DLG2: variants seen among roughly 807,000 people sequenced by gnomAD.
DLG2 encodes the protein discs large MAGUK scaffold protein 2.
In DLG2, 45 loss-of-function variants were observed where a neutral mutation model predicts 132.5. That is an observed-to-expected ratio of 0.34 (90% confidence interval 0.27 to 0.44). DLG2 has a LOEUF of 0.44. Ranked by LOEUF, DLG2 falls within the 20% of genes least tolerant of loss-of-function variation. The pLI, the probability that DLG2 is intolerant of heterozygous loss-of-function variation, is 1.00. For synonymous variants in DLG2, 424 were observed against 419.6 expected (o/e 1.01, Z -0.13); for missense variants, 1,045 against 1,196.9 (o/e 0.87, Z 1.87).
At chr11:83,979,993 T>A (rs925060188) in intron 12 of DLG2, among the ~76,000 whole-genome samples, 8 of 152,202 alleles carry the variant, frequency 5.3e-5, no homozygotes, top group African/African-American at 1.9e-4. Flanking sequence ...ATTGTACATG[T>A]ACTTTTGAAA....
At chr11:84,482,920 T>C (rs532263407) in intron 7 of DLG2, among the ~76,000 whole-genome samples, 9 of 152,280 alleles carry the variant, frequency 5.9e-5, no homozygotes, top group Non-Finnish European at 8.8e-5. Context: ...GGGGAAAATA[T>C]TTGCCAAAAT....
intron 7 of DLG2, among the ~76,000 whole-genome samples, chr11:84,307,279 T>C (rs985986092): frequency 1.3e-5 from 2 of 152,080 alleles, no homozygotes; most frequent in Non-Finnish European, 1.5e-5. Flanking sequence ...TCGTCACTTA[T>C]AAATGGGAGC....
At chr11:85,428,267 C>A (rs895421953) in intron 3 of DLG2, among the ~76,000 whole-genome samples, 3 of 152,154 alleles carry the variant, frequency 2.0e-5, no homozygotes, top group Admixed American at 2.0e-4. Context: ...CAGCTCTGCA[C>A]CAAGTGGACC....
At chr11:84,491,398 T>C (rs565263115) in intron 7 of DLG2, among the ~76,000 whole-genome samples, 314 of 152,246 alleles carry the variant, frequency 2.1e-3, no homozygotes, top group African/African-American at 6.9e-3. Flanking sequence ...CTGCCATGAT[T>C]GTGGGGCCTC....
chr11:85,305,509 C>CTATT (rs1437543604), intron 3 of DLG2, among the ~76,000 whole-genome samples: 4 of 151,862 alleles, frequency 2.6e-5, no homozygotes, highest in East Asian at 3.9e-4. Flanking sequence ...TCTTTCTTTC[C>CTATT]TATTTATTTA....
chr11:85,438,580 T>C (rs899311123), intron 3 of DLG2, among the ~76,000 whole-genome samples: 1 of 152,168 alleles, frequency 6.6e-6, no homozygotes, highest in Admixed American at 6.5e-5. Flanking sequence ...AATGGAAATA[T>C]TTCATAAAAC....
intron 7 of DLG2, among the ~76,000 whole-genome samples, chr11:84,463,271 T>C (rs866558097): frequency 6.6e-6 from 1 of 151,146 alleles, no homozygotes; most frequent in Non-Finnish European, 1.5e-5. Flanking sequence ...ATGGGATGTA[T>C]CCTCTGAGAA....
At chr11:84,585,185 T>C (rs1038369546) in intron 6 of DLG2, among the ~76,000 whole-genome samples, 13 of 152,194 alleles carry the variant, frequency 8.5e-5, no homozygotes, top group Non-Finnish European at 1.6e-4. Context: ...ATTAATTTAA[T>C]TTTTCGTATT....
intron 6 of DLG2, among the ~76,000 whole-genome samples, chr11:84,701,323 T>A (rs1033810522): frequency 2.0e-5 from 3 of 151,672 alleles, no homozygotes; most frequent in African/African-American, 7.3e-5. Context: ...AGTCACTTAA[T>A]CTCTATAATG....
intron 9 of DLG2, among the ~76,000 whole-genome samples, chr11:84,135,095 T>C (rs1263722225): frequency 1.3e-5 from 2 of 152,124 alleles, no homozygotes; most frequent in Non-Finnish European, 2.9e-5. Flanking sequence ...CACTAAAATA[T>C]AAGCTTTCTG....
intron 19 of DLG2, among the ~76,000 whole-genome samples, chr11:83,587,270 CTT>C: frequency 6.9e-6 from 1 of 145,178 alleles, no homozygotes; most frequent in African/African-American, 2.5e-5. Flanking sequence ...GAATTTGCTA[CTT>C]TTTTTTTTTT....
intron 9 of DLG2, among the ~76,000 whole-genome samples, chr11:84,112,151 C>A (rs370034639): frequency 6.5e-4 from 99 of 151,972 alleles, no homozygotes; most frequent in African/African-American, 2.3e-3. Flanking sequence ...AGGCGCCTGC[C>A]GCCACACCCA....
At chr11:84,789,091 C>T (rs1363837200) in intron 6 of DLG2, among the ~76,000 whole-genome samples, 1 of 152,180 alleles carries the variant, frequency 6.6e-6, no homozygotes, top group Non-Finnish European at 1.5e-5. Context: ...CAGCACCTTG[C>T]AAATCAATTT....
At chr11:83,530,071 T>C (rs1180860978) in intron 21 of DLG2, among the ~76,000 whole-genome samples, 2 of 148,850 alleles carry the variant, frequency 1.3e-5, no homozygotes, top group African/African-American at 5.0e-5. Context: ...CTCACATATA[T>C]CCAACTCTAT....
intron 6 of DLG2, among the ~76,000 whole-genome samples, chr11:84,797,203 T>A (rs1428579954): frequency 6.6e-6 from 1 of 152,166 alleles, no homozygotes; most frequent in African/African-American, 2.4e-5. Context: ...TGTCTTGAGG[T>A]AGTCTTCTTT....
chr11:83,572,684 C>A (rs953470818), intron 19 of DLG2, among the ~76,000 whole-genome samples: 1 of 152,284 alleles, frequency 6.6e-6, no homozygotes, highest in Non-Finnish European at 1.5e-5. Flanking sequence ...TTTTACCATG[C>A]ATAATGGCCA....
At chr11:83,937,563 G>A (rs1172738400) in intron 14 of DLG2, among the ~76,000 whole-genome samples, 4 of 144,960 alleles carry the variant, frequency 2.8e-5, no homozygotes, top group Non-Finnish European at 6.1e-5. Flanking sequence ...TCATAAACAA[G>A]CAATAAGCTG....
At chr11:83,943,291 A>AT (rs2083080060) in intron 14 of DLG2, among the ~76,000 whole-genome samples, 1 of 152,094 alleles carries the variant, frequency 6.6e-6, no homozygotes, top group African/African-American at 2.4e-5. Context: ...GGAAAAAACT[A>AT]TTTTTTCTTG....
chr11:83,658,007 G>C (rs1349790676), intron 18 of DLG2, among the ~76,000 whole-genome samples: 1 of 152,146 alleles, frequency 6.6e-6, no homozygotes, highest in Non-Finnish European at 1.5e-5. Flanking sequence ...TGACCTCTGT[G>C]GAATAAGGAT....
Sources: gnomAD v4.1 joint callset for allele counts (sites outside exome capture counted in the v4.1 genomes callset) on GRCh38, gnomAD v4.1.1 for gene constraint, MANE v1.5 for transcripts, NCBI Gene and HGNC (gene_info 2026-07-23, HGNC 2026-07-21) for gene names.